Variants in BBOX1 observed in about 807,000 individuals in gnomAD.
BBOX1 encodes gamma-butyrobetaine dioxygenase.
Under a neutral mutation model 41.6 loss-of-function variants are expected in BBOX1, and 35 were observed. The observed-to-expected ratio is 0.84, with a 90% CI of 0.64 to 1.11. The LOEUF (loss-of-function observed/expected upper bound fraction) is 1.11. Ranked by LOEUF, BBOX1 falls within the 50% of genes most tolerant of loss-of-function variation. The pLI is 0.00. For missense variants in BBOX1, 458 were observed against 460.6 expected, an observed-to-expected ratio of 0.99 and a Z score of 0.05; for synonymous variants, 163 against 154.7, an observed-to-expected ratio of 1.05 and a Z score of -0.40.
chr11:27,092,231 TAGAAAA>T (rs1322983666), intron 4 of BBOX1, among the ~76,000 whole-genome samples: 1 of 151,960 alleles, frequency 6.6e-6, no homozygotes, highest in Admixed American at 6.6e-5. Flanking sequence ...ATTCCCCAGC[TAGAAAA>T]GAAGAGCATT....
intron 2 of BBOX1, among the ~76,000 whole-genome samples, chr11:27,048,532 T>TGATAGATAGATA (rs59647951): frequency 4.0e-5 from 6 of 150,204 alleles, no homozygotes; most frequent in African/African-American, 1.5e-4. Flanking sequence ...GATAGATAGA[T>TGATAGATAGATA]GATAGATAGA....
At chr11:27,119,044 C>CA (rs1859366804) in intron 6 of BBOX1, among the ~76,000 whole-genome samples, 1 of 151,902 alleles carries the variant, frequency 6.6e-6, no homozygotes, top group Admixed American at 6.6e-5. Context: ...TGCACAAATA[C>CA]AAAAGCCCTT....
chr11:27,055,081 A>T (rs1272873741), intron 2 of BBOX1: 3 of 173,578 alleles, frequency 1.7e-5, no homozygotes, highest in Admixed American at 5.9e-5. Context: ...ATGCAAACAT[A>T]ATTATTAAAG....
At chr11:27,078,335 A>T (rs1900065) in intron 4 of BBOX1, among the ~76,000 whole-genome samples, 137,408 of 152,026 alleles carry the variant, frequency 0.9, 62,250 homozygotes, top group East Asian at 0.94. Context: ...TCTTTTTTTT[A>T]ATTATACTTT....
At chr11:27,049,092 G>T in intron 2 of BBOX1, among the ~76,000 whole-genome samples, 1 of 150,748 alleles carries the variant, frequency 6.6e-6, no homozygotes, top group Admixed American at 6.6e-5. Context: ...ATTTTTTATG[G>T]CTGCATAGTA....
intron 6 of BBOX1, among the ~76,000 whole-genome samples, chr11:27,118,438 T>C (rs1385090151): frequency 2.6e-5 from 4 of 152,028 alleles, no homozygotes; most frequent in African/African-American, 9.7e-5. Context: ...TGAAATAATC[T>C]GAAAAATGAG....
chr11:27,055,788 C>T (rs188738260), intron 3 of BBOX1, 139 bp downstream of exon 3: 19 of 642,738 alleles, frequency 3.0e-5, no homozygotes, highest in South Asian at 8.7e-5. Flanking sequence ...GTACTTGGTG[C>T]GAATTAAGTA....
chr11:27,124,022 T>C (rs1414798165), intron 7 of BBOX1, among the ~76,000 whole-genome samples: 3 of 152,328 alleles, frequency 2.0e-5, no homozygotes, highest in Admixed American at 2.0e-4. Context: ...ACTGTTGAGT[T>C]TACCATTACA....
intron 2 of BBOX1, among the ~76,000 whole-genome samples, chr11:27,043,006 G>GTC (rs1218655898): frequency 6.6e-6 from 1 of 151,964 alleles, no homozygotes; most frequent in Non-Finnish European, 1.5e-5. Flanking sequence ...AATGCCAGAT[G>GTC]GTGAGGTTAA....
At chr11:27,057,952 A>C (rs1300917942) in intron 4 of BBOX1, among the ~76,000 whole-genome samples, 1 of 152,166 alleles carries the variant, frequency 6.6e-6, no homozygotes, top group Non-Finnish European at 1.5e-5. Flanking sequence ...CTGAGCAAAG[A>C]AGCAAAATAA....
At chr11:27,125,514 G>A in intron 7 of BBOX1, 140 bp from the exon 8 acceptor site, 6 of 654,134 alleles carry the variant, frequency 9.2e-6, no homozygotes, top group Non-Finnish European at 1.4e-5. Flanking sequence ...TGCACCACAG[G>A]TAGCCTTAAT....
chr11:27,105,343 G>C (rs1019409269), intron 5 of BBOX1, among the ~76,000 whole-genome samples: 4 of 152,026 alleles, frequency 2.6e-5, no homozygotes, highest in South Asian at 4.2e-4. Flanking sequence ...TAAAAACCTT[G>C]AAAAAAGATT....
intron 4 of BBOX1, among the ~76,000 whole-genome samples, chr11:27,089,083 G>A (rs1304153174): frequency 6.6e-6 from 1 of 151,946 alleles, no homozygotes; most frequent in Admixed American, 6.6e-5. Flanking sequence ...CACCTGGTAA[G>A]AGGCTGGACA....
At chr11:27,043,418 C>CATGTGCAGAATGTGGAG (rs1482284669) in intron 2 of BBOX1, among the ~76,000 whole-genome samples, 2 of 150,150 alleles carry the variant, frequency 1.3e-5, no homozygotes, top group African/African-American at 4.9e-5. Flanking sequence ...AGAATGTGCA[C>CATGTGCAGAATGTGGAG]GTTTGGGGTA....
chr11:27,079,867 A>T (rs1857773374), intron 4 of BBOX1, among the ~76,000 whole-genome samples: 2 of 152,108 alleles, frequency 1.3e-5, no homozygotes, highest in Non-Finnish European at 2.9e-5. Flanking sequence ...TTTGTCTCTC[A>T]TGATACTCAT....
chr11:27,090,845 T>C (rs1232684543), intron 4 of BBOX1, among the ~76,000 whole-genome samples: 5 of 151,876 alleles, frequency 3.3e-5, no homozygotes, highest in African/African-American at 4.8e-5. Context: ...GTATTAATAT[T>C]AATATTCCTT....
chr11:27,059,825 C>T (rs1057469486), intron 4 of BBOX1, among the ~76,000 whole-genome samples: 27 of 152,146 alleles, frequency 1.8e-4, no homozygotes, highest in African/African-American at 6.5e-4. Context: ...TGGTTGATTT[C>T]TCCCTTTTGT....
intron 2 of BBOX1, among the ~76,000 whole-genome samples, chr11:27,046,705 T>C (rs925850506): frequency 1.3e-5 from 2 of 152,136 alleles, no homozygotes; most frequent in African/African-American, 4.8e-5. Context: ...CCTATATAGC[T>C]AGGAGCTATA....
chr11:27,124,509 C>CTTAT (rs912690849), intron 7 of BBOX1, among the ~76,000 whole-genome samples: 1 of 151,982 alleles, frequency 6.6e-6, no homozygotes, highest in Non-Finnish European at 1.5e-5. Context: ...ATGTGCTTTC[C>CTTAT]TTATTTATTT....
Sources: allele counts gnomAD v4.1 joint callset (sites outside exome capture counted in the v4.1 genomes callset), GRCh38; gene constraint gnomAD v4.1.1; transcripts MANE v1.5; gene names NCBI Gene and HGNC (gene_info 2026-07-23, HGNC 2026-07-21).